The following CNIH3 variants were observed in gnomAD, a reference collection of about 807,000 sequenced individuals.
CNIH3 encodes cornichon family AMPA receptor auxiliary protein 3.
Under a neutral mutation model 24.1 loss-of-function variants are expected in CNIH3, and 14 were observed. The observed-to-expected ratio is 0.58, with a 90% CI of 0.38 to 0.91. The LOEUF is 0.91. CNIH3 is among the 40% of genes least tolerant of loss of function. The pLI, the probability that CNIH3 is intolerant of heterozygous loss-of-function variation, is 0.00. For missense variants in CNIH3, 178 were observed against 196.8 expected (o/e 0.90, Z 0.57); for synonymous variants, 68 against 73.8 (o/e 0.92, Z 0.40).
At chr1:224,713,875 G>T (rs1688288067) in intron 3 of CNIH3, among the ~76,000 whole-genome samples, 1 of 152,094 alleles carries the variant, frequency 6.6e-6, no homozygotes, top group Non-Finnish European at 1.5e-5. Flanking sequence ...GAATGCAGTG[G>T]CATAATCACA....
At chr1:224,601,263 G>T in intron 3 of CNIH3, among the ~76,000 whole-genome samples, 1 of 152,158 alleles carries the variant, frequency 6.6e-6, no homozygotes, top group East Asian at 1.9e-4. Context: ...TCAGTGGCCT[G>T]CCAGCACTTG....
At chr1:224,584,633 T>C (rs1416961796) in intron 5 of CNIH3, among the ~76,000 whole-genome samples, 1 of 152,222 alleles carries the variant, frequency 6.6e-6, no homozygotes. Flanking sequence ...GATGCAGAAA[T>C]GCATTTATCA....
intron 3 of CNIH3, among the ~76,000 whole-genome samples, chr1:224,691,154 A>G (rs903526195): frequency 1.3e-5 from 2 of 152,238 alleles, no homozygotes; most frequent in Non-Finnish European, 2.9e-5. Context: ...GACTGTCTAC[A>G]TAATTGGCAG....
At chr1:224,696,665 G>C (rs1572742160) in intron 3 of CNIH3, among the ~76,000 whole-genome samples, 1 of 152,186 alleles carries the variant, frequency 6.6e-6, no homozygotes, top group African/African-American at 2.4e-5. Context: ...TGGCTTTGAT[G>C]GAACAGCCCA....
At position 224,483,434 on chromosome 1, in the gene CNIH3, G is replaced by A. The variant is rs959880363; in HGVS notation, n.204-32307G>A. 8.0e-5 allele frequency among the ~76,000 whole-genome samples: 12 copies of A among 150,146 alleles called. No individual in the cohort carries two copies. In the South Asian group the frequency reaches 2.1e-3, roughly 26 times the overall value. ...GACAGAGTCTTGCTCTGTTGTCCAC[G>A]CTGGAATGCAGTGGCGTAATCTTGG... On this transcript the variant is annotated intron_variant and non_coding_transcript_variant, in intron 1 of 5. Transcript: ENST00000471578.
chr1:224,730,169 G>C (rs370795011), intron 3 of CNIH3: 3 of 272,340 alleles, frequency 1.1e-5, no homozygotes, highest in East Asian at 1.4e-4. Context: ...AGTCTTCCCA[G>C]TGGCCATCCA....
At chr1:224,526,014 G>A (rs1470933941) in intron 2 of CNIH3, among the ~76,000 whole-genome samples, 2 of 152,168 alleles carry the variant, frequency 1.3e-5, no homozygotes, top group East Asian at 3.9e-4. Context: ...GCTCTGCGGG[G>A]TTCTCTCTCA....
intron 1 of CNIH3, among the ~76,000 whole-genome samples, chr1:224,440,300 G>A (rs1438138973): frequency 3.9e-5 from 6 of 152,200 alleles, no homozygotes; most frequent in Non-Finnish European, 7.4e-5. Flanking sequence ...TGCAGTCATA[G>A]CTCACTGCAG....
At chr1:224,621,651 C>T (rs944556201) in intron 1 of CNIH3, among the ~76,000 whole-genome samples, 1 of 152,228 alleles carries the variant, frequency 6.6e-6, no homozygotes, top group Non-Finnish European at 1.5e-5. Context: ...TGGAAGGAAG[C>T]TCCATGAGAG....
intron 1 of CNIH3, among the ~76,000 whole-genome samples, chr1:224,493,412 T>C (rs1677311342): frequency 6.6e-6 from 1 of 152,132 alleles, no homozygotes; most frequent in African/African-American, 2.4e-5. Context: ...GTGTTTATGA[T>C]GTTTTGGGAG....
chr1:224,647,648 G>C (rs1684677543), intron 1 of CNIH3, among the ~76,000 whole-genome samples: 1 of 152,232 alleles, frequency 6.6e-6, no homozygotes, highest in South Asian at 2.1e-4. Context: ...AAACTTGGGA[G>C]AATGTGTGTT....
chr1:224,439,561 A>C (rs1195291232), intron 1 of CNIH3, among the ~76,000 whole-genome samples: 1 of 152,108 alleles, frequency 6.6e-6, no homozygotes, highest in African/African-American at 2.4e-5. Context: ...AAAACATTTA[A>C]CACTCAGCTA....
At chr1:224,661,637 G>T in intron 1 of CNIH3, 1 of 306,592 alleles carries the variant, frequency 3.3e-6, no homozygotes, top group Non-Finnish European at 6.3e-6. Context: ...TCAAATGATT[G>T]TCAAAATGAC....
intron 2 of CNIH3, among the ~76,000 whole-genome samples, chr1:224,526,458 C>T (rs534923499): frequency 5.2e-4 from 79 of 152,308 alleles, no homozygotes; most frequent in Non-Finnish European, 8.8e-4. Flanking sequence ...TCCCACCAGA[C>T]ACCGGAGCTG....
chr1:224,565,343 A>T (rs1680537280), intron 3 of CNIH3: 1 of 152,242 alleles, frequency 6.6e-6, no homozygotes, highest in Non-Finnish European at 1.5e-5. Context: ...TGACTGCAAG[A>T]ACACAAGGCA....
chr1:224,713,513 C>T (rs1452424131), intron 3 of CNIH3, among the ~76,000 whole-genome samples: 1 of 152,180 alleles, frequency 6.6e-6, no homozygotes, highest in East Asian at 1.9e-4. Context: ...GAAAGTTACT[C>T]TGAGTTCTCT....
At chr1:224,442,917 G>A (rs1286872240) in intron 1 of CNIH3, among the ~76,000 whole-genome samples, 3 of 152,026 alleles carry the variant, frequency 2.0e-5, no homozygotes, top group Non-Finnish European at 4.4e-5. Flanking sequence ...TCCCTTTTTG[G>A]GTATATGAAA....
At chr1:224,576,406 A>T (rs1681039692) in intron 4 of CNIH3, among the ~76,000 whole-genome samples, 1 of 152,172 alleles carries the variant, frequency 6.6e-6, no homozygotes, top group African/African-American at 2.4e-5. Flanking sequence ...TTTGCCCTCT[A>T]TTTCCTGCCC....
At chr1:224,588,521 T>G (rs567657794) in exon 6 of CNIH3, 3 of 151,984 alleles carry the variant, frequency 2.0e-5, no homozygotes, top group Admixed American at 6.6e-5. Flanking sequence ...AATGGCAGAG[T>G]GTCCTATGCC....
Sources: allele counts gnomAD v4.1 joint callset (sites outside exome capture counted in the v4.1 genomes callset), GRCh38; gene constraint gnomAD v4.1.1; transcripts MANE v1.5; gene names NCBI Gene and HGNC (gene_info 2026-07-23, HGNC 2026-07-21).